Variants in RABEP1 observed in about 807,000 individuals in gnomAD.
The protein encoded by RABEP1 is rabaptin, RAB GTPase binding effector protein 1.
In RABEP1, 51 loss-of-function variants were observed where a neutral mutation model predicts 123.4. The ratio of observed to expected loss-of-function variants is 0.41; its 90% CI spans 0.33 to 0.52. The LOEUF is 0.52. Among genes scored for constraint, RABEP1 ranks in the 20% least tolerant of loss-of-function variants. The pLI is 0.16. For synonymous variants in RABEP1, 347 were observed against 355.2 expected, an observed-to-expected ratio of 0.98 and a Z score of 0.26; for missense variants, 888 against 996.3, an observed-to-expected ratio of 0.89 and a Z score of 1.46.
At chr17:5,340,427 C>A (rs1597369903) in intron 5 of RABEP1, among the ~76,000 whole-genome samples, 1 of 151,902 alleles carries the variant, frequency 6.6e-6, no homozygotes, top group African/African-American at 2.4e-5. Context: ...TAAATTAATA[C>A]CTATAAACCT....
chr17:5,371,828 G>A (rs1910550946), intron 12 of RABEP1, among the ~76,000 whole-genome samples: 1 of 152,058 alleles, frequency 6.6e-6, no homozygotes, highest in African/African-American at 2.4e-5. Flanking sequence ...TGGTTTACTT[G>A]TCTTTCTCCT....
chr17:5,367,376 A>C (rs1321974172), intron 11 of RABEP1, among the ~76,000 whole-genome samples: 4 of 151,260 alleles, frequency 2.6e-5, no homozygotes, highest in African/African-American at 7.3e-5. Flanking sequence ...GGTTCAAGCG[A>C]TTCTCCTGCC....
intron 2 of RABEP1, among the ~76,000 whole-genome samples, chr17:5,324,267 C>T (rs57155696): frequency 0.069 from 10,563 of 152,048 alleles, 512 homozygotes; most frequent in East Asian, 0.17. Flanking sequence ...AATAGAGTAC[C>T]CAGAAACAAA....
At chr17:5,326,735 G>A (rs1050229573) in intron 2 of RABEP1, among the ~76,000 whole-genome samples, 4 of 152,118 alleles carry the variant, frequency 2.6e-5, no homozygotes, top group Non-Finnish European at 4.4e-5. Context: ...GTACAGGGGT[G>A]TGGGGCATAT....
In RABEP1 at chr17:5,386,158, A is replaced by T; in HGVS notation, c.*2935A>T. ...TCTACCTGTTTTACAATATGGGTTT[A>T]AGCCTTCAATGGTGTTCAGTTCAGG... On this transcript the variant is annotated 3_prime_UTR_variant, in exon 18 of 18. Coordinates refer to ENST00000537505, the MANE Select transcript of RABEP1 (RefSeq NM_004703.6). 7.1e-7 allele frequency: 1 copy of T among 1,415,902 alleles called. No homozygotes were observed. Among genetic ancestry groups the T allele is most frequent in the Non-Finnish European group, 9.8e-7 (1 of 1,017,782 alleles). 87.7% of individuals were successfully genotyped at this position (1,415,902 alleles called of 1,614,324 possible). A position where few individuals can be genotyped will look rare whatever the true frequency, so the allele number is the denominator to read the frequency against.
intron 4 of RABEP1, among the ~76,000 whole-genome samples, chr17:5,337,337 A>G (rs927220725): frequency 6.6e-6 from 1 of 152,158 alleles, no homozygotes; most frequent in African/African-American, 2.4e-5. Context: ...CAGCCCTTTC[A>G]TTATTCATAA....
intron 1 of RABEP1, among the ~76,000 whole-genome samples, chr17:5,307,252 A>G (rs2075187623): frequency 6.6e-6 from 1 of 152,200 alleles, no homozygotes; most frequent in Admixed American, 6.5e-5. Context: ...TGGGAGGCAG[A>G]ATTTGCGGTG....
intron 7 of RABEP1, among the ~76,000 whole-genome samples, chr17:5,352,521 C>T (rs1406711586): frequency 6.6e-6 from 1 of 151,680 alleles, no homozygotes; most frequent in East Asian, 2.0e-4. Flanking sequence ...CCTGCCTTCC[C>T]TGCTGCCCAT....
chr17:5,336,061 A>G (rs1907052535), intron 4 of RABEP1, among the ~76,000 whole-genome samples: 1 of 152,218 alleles, frequency 6.6e-6, no homozygotes, highest in Non-Finnish European at 1.5e-5. Flanking sequence ...AAATTGAGAC[A>G]TTTTATCATT....
Position 5,384,775 on chromosome 17 carries a change from G to GT in RABEP1, c.*1555dup. The GT allele has an allele frequency of 4.7e-6, 1 of 213,962 alleles. No homozygotes were observed. Among genetic ancestry groups the GT allele is most frequent in the Middle Eastern group, 1.5e-3 (1 of 662 alleles). 13.3% of individuals were successfully genotyped at this position (213,962 alleles called of 1,614,324 possible). ...CGCACATGAAACATTATTTTAATTGGTTTAAAGTCCCTTTATAAAGAGTGC... is the reference window on the plus strand; with the variant it reads ...CGCACATGAAACATTATTTTAATTGGTTTTAAAGTCCCTTTATAAAGAGTGC... On this transcript the variant is annotated 3_prime_UTR_variant, in exon 18 of 18. Coordinates refer to ENST00000537505, the MANE Select transcript of RABEP1 (RefSeq NM_004703.6).
At chr17:5,322,064 G>A (rs1288620259) in intron 2 of RABEP1, among the ~76,000 whole-genome samples, 1 of 152,194 alleles carries the variant, frequency 6.6e-6, no homozygotes, top group Non-Finnish European at 1.5e-5. Flanking sequence ...GCCTGGCATG[G>A]AGGTGGGTGC....
chr17:5,367,831 T>A (rs536970141), intron 11 of RABEP1, among the ~76,000 whole-genome samples: 1 of 151,030 alleles, frequency 6.6e-6, no homozygotes, highest in Non-Finnish European at 1.5e-5. Context: ...CTGGGCTCAC[T>A]GCAACCTCTG....
rs146585957 is a variant in RABEP1, at chr17:5,299,719, C to CTTTTTTTTTTTTTTTTTTTTTTTTTTTTT, written c.35-8970_35-8969insTTTTTTTTTTTTTTTTTTTTTTTTTTTTT. 2.5e-4 allele frequency among the ~76,000 whole-genome samples: 25 copies of CTTTTTTTTTTTTTTTTTTTTTTTTTTTTT among 98,852 alleles called. 4 individuals are homozygous for CTTTTTTTTTTTTTTTTTTTTTTTTTTTTT. Among genetic ancestry groups the CTTTTTTTTTTTTTTTTTTTTTTTTTTTTT allele is most frequent in the South Asian group, 1.8e-3 (3 of 1,650 alleles). 64.9% of individuals were successfully genotyped at this position (98,852 alleles called of 152,430 possible). On this transcript the variant is annotated intron_variant, in intron 1 of 17. Transcript: ENST00000537505. ...TCATTTCTTTTTCTTTTTTTCTTTT[C>CTTTTTTTTTTTTTTTTTTTTTTTTTTTTT]TTTTTCTTTTTCTTTTTTTTTTTTT...
At chr17:5,287,858 G>C (rs778150125) in intron 1 of RABEP1, among the ~76,000 whole-genome samples, 16 of 152,140 alleles carry the variant, frequency 1.1e-4, no homozygotes, top group Middle Eastern at 3.4e-3. Context: ...GCTGCAGTGA[G>C]CTGTGATCTT....
intron 2 of RABEP1, among the ~76,000 whole-genome samples, chr17:5,312,461 G>A (rs2075253775): frequency 6.6e-6 from 1 of 152,108 alleles, no homozygotes; most frequent in African/African-American, 2.4e-5. Flanking sequence ...TCATAGAGGA[G>A]TTTTTAATAC....
intron 1 of RABEP1, among the ~76,000 whole-genome samples, chr17:5,295,119 C>T (rs184407079): frequency 1.7e-4 from 26 of 151,992 alleles, no homozygotes; most frequent in Non-Finnish European, 1.3e-4. Flanking sequence ...CGGTGGCTTA[C>T]ACCTGTAATC....
intron 2 of RABEP1, among the ~76,000 whole-genome samples, chr17:5,330,900 T>C (rs1597362071): frequency 6.6e-6 from 1 of 151,944 alleles, no homozygotes; most frequent in Non-Finnish European, 1.5e-5. Flanking sequence ...GGTGCATGCC[T>C]GCAGTCCTAG....
intron 2 of RABEP1, among the ~76,000 whole-genome samples, chr17:5,316,799 C>T (rs1430297360): frequency 7.9e-6 from 1 of 126,066 alleles, no homozygotes; most frequent in Non-Finnish European, 1.6e-5. Flanking sequence ...CGCTACTGCA[C>T]TCCAGCCTCG....
Position 5,350,679 on chromosome 17 carries a change from C to A in RABEP1, c.963+50C>A, listed in dbSNP as rs770928439. 10 of 1,583,838 alleles carry A rather than the reference C, an allele frequency of 6.3e-6. No homozygotes were observed. The East Asian group carries it at 2.0e-4, about 32-fold the overall frequency. On this transcript the variant is annotated intron_variant, in intron 7 of 17. Transcript: ENST00000537505. ...TTTGCTTTGTCAGTAATGTCCCCCA[C>A]CACATGTGATTGCATTACCTTATGT...
Sources: gnomAD v4.1 joint callset for allele counts (sites outside exome capture counted in the v4.1 genomes callset) on GRCh38, gnomAD v4.1.1 for gene constraint, MANE v1.5 for transcripts, NCBI Gene and HGNC (gene_info 2026-07-23, HGNC 2026-07-21) for gene names.